The following DCC variants were observed in gnomAD, a reference collection of about 807,000 sequenced individuals.
The protein encoded by DCC is netrin receptor DCC.
A neutral mutation model predicts 172.5 loss-of-function variants in DCC; 58 were observed. The ratio of observed to expected loss-of-function variants is 0.34; its 90% CI spans 0.27 to 0.42. DCC has a LOEUF of 0.42. Ranked by LOEUF, DCC falls within the 10% of genes least tolerant of loss-of-function variation. DCC has a pLI of 1.00. For synonymous variants in DCC, 709 were observed against 644.5 expected (o/e 1.10, Z -1.52); for missense variants, 1,740 against 1,791.0 (o/e 0.97, Z 0.51).
chr18:53,247,733 G>A (rs1287504840), intron 12 of DCC, among the ~76,000 whole-genome samples: 1 of 151,996 alleles, frequency 6.6e-6, no homozygotes, highest in Non-Finnish European at 1.5e-5. Context: ...ACTCTTGAGT[G>A]TGGGCTTTTG....
At chr18:52,430,723 G>A (rs1468453783) in intron 1 of DCC, among the ~76,000 whole-genome samples, 1 of 152,126 alleles carries the variant, frequency 6.6e-6, no homozygotes, top group Non-Finnish European at 1.5e-5. Flanking sequence ...TTCCAATAGG[G>A]AATTTCCTAT....
chr18:52,914,100 A>G (rs760174874), intron 3 of DCC, among the ~76,000 whole-genome samples: 16 of 152,122 alleles, frequency 1.1e-4, no homozygotes, highest in Non-Finnish European at 2.1e-4. Context: ...TGCTTTATGC[A>G]TGTATCTATA....
intron 1 of DCC, among the ~76,000 whole-genome samples, chr18:52,382,801 T>C (rs1985640154): frequency 6.6e-6 from 1 of 152,114 alleles, no homozygotes; most frequent in South Asian, 2.1e-4. Flanking sequence ...CTTGATTCCA[T>C]TGTTACATAA....
intron 5 of DCC, among the ~76,000 whole-genome samples, chr18:53,046,979 G>T (rs569919272): frequency 2.0e-5 from 3 of 151,318 alleles, no homozygotes; most frequent in Admixed American, 6.6e-5. Flanking sequence ...TCCTTTCACC[G>T]AATTTGAGGT....
At chr18:53,288,872 C>A (rs762936557) in intron 12 of DCC, among the ~76,000 whole-genome samples, 1 of 152,092 alleles carries the variant, frequency 6.6e-6, no homozygotes, top group African/African-American at 2.4e-5. Context: ...TACAGTAGAT[C>A]AGAATTGACC....
intron 1 of DCC, among the ~76,000 whole-genome samples, chr18:52,481,084 G>A (rs1377378045): frequency 6.6e-6 from 1 of 152,068 alleles, no homozygotes; most frequent in African/African-American, 2.4e-5. Context: ...GATAATTTTT[G>A]TGTGTAAACT....
intron 1 of DCC, among the ~76,000 whole-genome samples, chr18:52,358,753 C>T (rs1984490059): frequency 6.6e-6 from 1 of 152,216 alleles, no homozygotes; most frequent in Admixed American, 6.5e-5. Flanking sequence ...TTATCTTCTG[C>T]TAGGCATCTT....
intron 12 of DCC, among the ~76,000 whole-genome samples, chr18:53,223,605 T>C (rs1025112739): frequency 6.6e-6 from 1 of 152,164 alleles, no homozygotes; most frequent in Non-Finnish European, 1.5e-5. Flanking sequence ...GTTGCCCTTA[T>C]AGTTGGAATG....
chr18:52,568,612 C>T (rs1226873410), intron 1 of DCC, among the ~76,000 whole-genome samples: 3 of 150,550 alleles, frequency 2.0e-5, no homozygotes, highest in Admixed American at 2.0e-4. Context: ...TATTTTTTTT[C>T]ATAACTTGGA....
chr18:53,306,996 C>T (rs1367641), intron 13 of DCC, among the ~76,000 whole-genome samples: 5,343 of 152,246 alleles, frequency 0.035, 331 homozygotes, highest in African/African-American at 0.12. Context: ...CTTTTCTCTA[C>T]GCCAGATACT....
intron 12 of DCC, among the ~76,000 whole-genome samples, chr18:53,282,876 T>G (rs2056889774): frequency 6.6e-6 from 1 of 152,180 alleles, no homozygotes. Context: ...CTGCACTAAA[T>G]GGCCCTAGTC....
intron 12 of DCC, among the ~76,000 whole-genome samples, chr18:53,243,631 T>C (rs372092196): frequency 4.2e-4 from 64 of 152,286 alleles, no homozygotes; most frequent in East Asian, 2.5e-3. Context: ...GCAGATTATG[T>C]GGTTTAAGAA....
At chr18:53,443,535 G>C (rs1003427846) in intron 22 of DCC, among the ~76,000 whole-genome samples, 2 of 152,204 alleles carry the variant, frequency 1.3e-5, no homozygotes, top group Non-Finnish European at 2.9e-5. Context: ...TTTCATGCCT[G>C]CTAACACAAC....
At chr18:53,358,406 C>G (rs2057903234) in intron 15 of DCC, among the ~76,000 whole-genome samples, 1 of 151,682 alleles carries the variant, frequency 6.6e-6, no homozygotes, top group Admixed American at 6.6e-5. Flanking sequence ...GCTTAAAGAC[C>G]AAATGATTTA....
chr18:53,119,288 C>A (rs917637359), intron 7 of DCC, among the ~76,000 whole-genome samples: 1 of 151,716 alleles, frequency 6.6e-6, no homozygotes, highest in African/African-American at 2.4e-5. Context: ...ATTTTATCAT[C>A]TTTGTTCTCT....
intron 12 of DCC, among the ~76,000 whole-genome samples, chr18:53,232,341 A>G (rs567753632): frequency 6.6e-6 from 1 of 152,226 alleles, no homozygotes; most frequent in South Asian, 2.1e-4. Context: ...CCTTAAGAGT[A>G]CCTCTCTCAT....
chr18:53,076,893 T>C (rs2042731610), intron 7 of DCC, among the ~76,000 whole-genome samples: 1 of 152,110 alleles, frequency 6.6e-6, no homozygotes, highest in Admixed American at 6.6e-5. Flanking sequence ...GCAGAAACCA[T>C]GTAGGATTAG....
At chr18:53,114,231 G>T (rs1236789680) in intron 7 of DCC, among the ~76,000 whole-genome samples, 1 of 149,860 alleles carries the variant, frequency 6.7e-6, no homozygotes, top group Non-Finnish European at 1.5e-5. Context: ...TTTCTAAATT[G>T]TACCCATTTT....
intron 2 of DCC, among the ~76,000 whole-genome samples, chr18:52,792,061 G>A (rs1317445609): frequency 6.6e-6 from 1 of 152,090 alleles, no homozygotes; most frequent in Non-Finnish European, 1.5e-5. Flanking sequence ...GAATTGGGAA[G>A]CCAGGGTGTT....
Sources: allele counts gnomAD v4.1 joint callset (sites outside exome capture counted in the v4.1 genomes callset), GRCh38; gene constraint gnomAD v4.1.1; transcripts MANE v1.5; gene names NCBI Gene and HGNC (gene_info 2026-07-23, HGNC 2026-07-21).